Variants in PEX14 observed in about 807,000 individuals in gnomAD.
PEX14 encodes the protein peroxisomal biogenesis factor 14, also known as peroxisomal membrane protein PEX14.
Under a neutral mutation model 49.5 loss-of-function variants are expected in PEX14, and 15 were observed. The ratio of observed to expected loss-of-function variants is 0.30; its 90% CI spans 0.20 to 0.47. PEX14 has a LOEUF of 0.47. Ranked by LOEUF, PEX14 falls within the 20% of genes least tolerant of loss-of-function variation. The pLI, the probability that PEX14 is intolerant of heterozygous loss-of-function variation, is 1.00. For synonymous variants in PEX14, 210 were observed against 212.7 expected (o/e 0.99, Z 0.11); for missense variants, 398 against 494.8 (o/e 0.80, Z 1.86).
At position 10,613,904 on chromosome 1, in the gene PEX14, C is replaced by A. The variant is rs1353921988; in HGVS notation, c.299-4428C>A. 2.0e-5 allele frequency among the ~76,000 whole-genome samples: 3 copies of A among 152,236 alleles called. No individual in the cohort carries two copies. The highest frequency in any genetic ancestry group is 1.3e-4 in the Admixed American group (2 of 15,290). The stretch of plus-strand genomic sequence containing the variant: ...GAAGCATTTAAAAAGCCCACTCATT[C>A]TCTTCCTTTTCTTCCCAGCTAGAGA... On this transcript the variant is annotated intron_variant, in intron 4 of 8. Coordinates refer to ENST00000356607, the MANE Select transcript of PEX14 (RefSeq NM_004565.3). The surrounding 1 kb of genome is among the most constrained non-coding windows in gnomAD (Gnocchi z 5.0).
chr1:10,618,759 G>T (rs985121658), intron 5 of PEX14, among the ~76,000 whole-genome samples: 4 of 152,238 alleles, frequency 2.6e-5, no homozygotes, highest in Non-Finnish European at 1.5e-5. Context: ...TTGAGACACA[G>T]AATAACATAA....
intron 1 of PEX14, among the ~76,000 whole-genome samples, chr1:10,489,498 G>T (rs1005631178): frequency 6.6e-6 from 1 of 152,160 alleles, no homozygotes; most frequent in African/African-American, 2.4e-5. Context: ...TCTCCTGAAT[G>T]CCCTGTGAGG....
chr1:10,513,208 T>C (rs1056978860), intron 2 of PEX14, among the ~76,000 whole-genome samples: 1 of 150,720 alleles, frequency 6.6e-6, no homozygotes, highest in Non-Finnish European at 1.5e-5. Context: ...GTTCTGTATA[T>C]ACACTGGGGT....
chr1:10,567,481 C>T (rs1193267235), intron 3 of PEX14, among the ~76,000 whole-genome samples: 1 of 152,044 alleles, frequency 6.6e-6, no homozygotes, highest in Non-Finnish European at 1.5e-5. Context: ...AATTAGCTTG[C>T]CCAGTAAAAA....
At chr1:10,532,483 G>A (rs1318172230) in intron 2 of PEX14, among the ~76,000 whole-genome samples, 1 of 152,048 alleles carries the variant, frequency 6.6e-6, no homozygotes, top group Non-Finnish European at 1.5e-5. Context: ...AATTCGAGGT[G>A]CACTCATTAA....
At chr1:10,584,092 G>A (rs72857041) in intron 3 of PEX14, among the ~76,000 whole-genome samples, 11,446 of 152,248 alleles carry the variant, frequency 0.075, 507 homozygotes, top group East Asian at 0.17. Context: ...GTCTAGTGTT[G>A]AGATGTGATC....
At chr1:10,542,929 T>C (rs1639060262) in intron 3 of PEX14, among the ~76,000 whole-genome samples, 1 of 152,196 alleles carries the variant, frequency 6.6e-6, no homozygotes, top group Admixed American at 6.5e-5. Flanking sequence ...TTTTTGCATA[T>C]GGTAAGCAGG....
intron 3 of PEX14, among the ~76,000 whole-genome samples, chr1:10,588,827 A>G (rs952558012): frequency 1.3e-5 from 2 of 152,192 alleles, no homozygotes; most frequent in African/African-American, 2.4e-5. Flanking sequence ...CTTTAAGTGA[A>G]ACAGAGAATG....
intron 2 of PEX14, among the ~76,000 whole-genome samples, chr1:10,519,693 C>T (rs1642032606): frequency 6.6e-6 from 1 of 152,214 alleles, no homozygotes; most frequent in African/African-American, 2.4e-5. Flanking sequence ...GGCTTTCTCT[C>T]AGCTACCTAA....
In PEX14 at chr1:10,628,591, G is replaced by A. The variant is rs1217787390; in HGVS notation, c.678-940G>A. The stretch of plus-strand genomic sequence containing the variant: ...GAGACAGCCTCCATTTTCCCTAACC[G>A]AGACCAGTGCCTTGGAGGCTGGGGA... On this transcript the variant is annotated intron_variant, in intron 8 of 8. Coordinates refer to ENST00000356607, the MANE Select transcript of PEX14 (RefSeq NM_004565.3). The surrounding 1 kb of genome is among the most constrained non-coding windows in gnomAD (Gnocchi z 4.5). Among the ~76,000 whole-genome samples the A allele has an allele frequency of 6.6e-6, 1 of 152,262 alleles. No homozygotes were observed. Among genetic ancestry groups the A allele is most frequent in the Non-Finnish European group, 1.5e-5 (1 of 68,042 alleles).
Position 10,619,643 on chromosome 1 carries a change from T to C in PEX14, c.384+1226T>C, listed in dbSNP as rs576543182. 6.6e-5 allele frequency among the ~76,000 whole-genome samples: 10 copies of C among 152,132 alleles called. No individual in the cohort carries two copies. In the South Asian group the frequency reaches 2.1e-3, roughly 32 times the overall value. The stretch of plus-strand genomic sequence containing the variant: ...GATTTTCTTTTTTAAACAACCTGAA[T>C]GAGCACTCAGACTCGCCATGGTCAC... On this transcript the variant is annotated intron_variant, in intron 5 of 8. Coordinates refer to ENST00000356607, the MANE Select transcript of PEX14 (RefSeq NM_004565.3).
chr1:10,566,574 C>T (rs1190819728), intron 3 of PEX14, among the ~76,000 whole-genome samples: 8 of 151,894 alleles, frequency 5.3e-5, no homozygotes, highest in African/African-American at 1.2e-4. Flanking sequence ...CTGCAACCTC[C>T]GCCTCTTGAG....
At chr1:10,478,128 C>T (rs1406229281) in intron 1 of PEX14, among the ~76,000 whole-genome samples, 7 of 152,058 alleles carry the variant, frequency 4.6e-5, no homozygotes, top group Admixed American at 1.3e-4. Flanking sequence ...CCTCAGGTAA[C>T]CTGCCCACCT....
chr1:10,501,290 G>A (rs1557813908), intron 2 of PEX14, among the ~76,000 whole-genome samples: 1 of 149,514 alleles, frequency 6.7e-6, no homozygotes, highest in African/African-American at 2.5e-5. Flanking sequence ...CGCCCTATCA[G>A]TTTATTTTTA....
chr1:10,560,901 A>T (rs943516230), intron 3 of PEX14, among the ~76,000 whole-genome samples: 6 of 151,818 alleles, frequency 4.0e-5, no homozygotes, highest in Non-Finnish European at 5.9e-5. Context: ...TATTTTTAGT[A>T]GAGGCGGGGT....
At chr1:10,585,725 G>A (rs1365649851) in intron 3 of PEX14, among the ~76,000 whole-genome samples, 1 of 152,196 alleles carries the variant, frequency 6.6e-6, no homozygotes, top group Non-Finnish European at 1.5e-5. Context: ...TTCAAGACCA[G>A]CCTGGCCAAC....
intron 3 of PEX14, among the ~76,000 whole-genome samples, chr1:10,595,640 C>G (rs1420926077): frequency 6.6e-6 from 1 of 152,154 alleles, no homozygotes; most frequent in African/African-American, 2.4e-5. Context: ...TAAAGGAGGA[C>G]TTAGATGAAT....
intron 3 of PEX14, among the ~76,000 whole-genome samples, chr1:10,541,467 C>G (rs1320443185): frequency 6.6e-6 from 1 of 152,244 alleles, no homozygotes; most frequent in East Asian, 1.9e-4. Flanking sequence ...TAGCCCTGCC[C>G]TAGTGTGGGT....
intron 2 of PEX14, among the ~76,000 whole-genome samples, chr1:10,526,153 C>T (rs1638473272): frequency 6.6e-6 from 1 of 151,524 alleles, no homozygotes; most frequent in Non-Finnish European, 1.5e-5. Flanking sequence ...ATCTCCTGAC[C>T]TCGTGATCCG....
Sources: allele counts gnomAD v4.1 joint callset (sites outside exome capture counted in the v4.1 genomes callset), GRCh38; gene constraint gnomAD v4.1.1; non-coding constraint Gnocchi (gnomAD v3.1); transcripts MANE v1.5; gene names NCBI Gene and HGNC (gene_info 2026-07-23, HGNC 2026-07-21).